The following TRIM2 variants were observed in gnomAD, a reference collection of about 807,000 sequenced individuals.
TRIM2 encodes the protein tripartite motif-containing protein 2.
Under a neutral mutation model 75.2 loss-of-function variants are expected in TRIM2, and 20 were observed. The observed-to-expected ratio is 0.27, with a 90% confidence interval of 0.19 to 0.39. The LOEUF is 0.39. Ranked by LOEUF, TRIM2 falls within the 10% of genes least tolerant of loss-of-function variation. The pLI, the probability that TRIM2 is intolerant of heterozygous loss-of-function variation, is 1.00. For missense variants in TRIM2, 660 were observed against 990.8 expected (o/e 0.67, Z 4.48); for synonymous variants, 373 against 388.3 (o/e 0.96, Z 0.46).
intron 2 of TRIM2, among the ~76,000 whole-genome samples, chr4:153,274,721 G>T (rs1485899542): frequency 6.6e-6 from 1 of 152,208 alleles, no homozygotes; most frequent in Non-Finnish European, 1.5e-5. Flanking sequence ...TGTGAGTGTG[G>T]TGTCATAAAG....
intron 1 of TRIM2, among the ~76,000 whole-genome samples, chr4:153,193,069 T>A (rs1733373260): frequency 1.3e-5 from 2 of 152,108 alleles, no homozygotes; most frequent in Non-Finnish European, 2.9e-5. Flanking sequence ...TTCACTGCTT[T>A]ATTCCTCATC....
chr4:153,287,213 C>G (rs1760844696), intron 3 of TRIM2, among the ~76,000 whole-genome samples: 1 of 152,162 alleles, frequency 6.6e-6, no homozygotes, highest in African/African-American at 2.4e-5. Flanking sequence ...CTCCTGGACT[C>G]AAGCAATCCT....
intron 1 of TRIM2, among the ~76,000 whole-genome samples, chr4:153,258,991 G>A (rs1023847966): frequency 1.8e-4 from 28 of 152,160 alleles, no homozygotes; most frequent in African/African-American, 6.8e-4. Context: ...AGCAGCTTTC[G>A]GATGCAGAGA....
intron 1 of TRIM2, among the ~76,000 whole-genome samples, chr4:153,240,682 T>G (rs1035682631): frequency 6.6e-6 from 1 of 152,366 alleles, no homozygotes; most frequent in South Asian, 2.1e-4. Context: ...TTAATTTTAT[T>G]ACTTCCAGTA....
chr4:153,247,739 G>T (rs1481770043), intron 1 of TRIM2, among the ~76,000 whole-genome samples: 4 of 148,614 alleles, frequency 2.7e-5, no homozygotes, highest in East Asian at 2.0e-4. Flanking sequence ...GCATGATTCT[G>T]CTCGCTATCA....
At chr4:153,253,008 A>G (rs13107078) in intron 1 of TRIM2, among the ~76,000 whole-genome samples, 47,578 of 152,124 alleles carry the variant, frequency 0.31, 7,729 homozygotes, top group African/African-American at 0.39. Context: ...GGGTTAGTGA[A>G]TTAAAGGTAA....
chr4:153,163,653 C>T (rs1373081419), intron 1 of TRIM2, among the ~76,000 whole-genome samples: 1 of 151,140 alleles, frequency 6.6e-6, no homozygotes, highest in East Asian at 2.0e-4. Context: ...AGGCGAGTGC[C>T]ACCATGCCTG....
At position 153,204,580 on chromosome 4, in the gene TRIM2, T is replaced by C; in HGVS notation, c.30+20T>C. 1 of 1,551,650 alleles carries C rather than the reference T, an allele frequency of 6.4e-7. No homozygotes were observed. The highest frequency in any genetic ancestry group is 8.7e-7 in the Non-Finnish European group (1 of 1,146,982). On this transcript the variant is annotated intron_variant, in intron 1 of 11. Transcript: ENST00000338700. ...ACGCAGGTAAGGACGCTTCTCAATG[T>C]GGGATAATTCTTTTTCTGGGCCAGC... is the stretch of plus-strand genomic sequence containing the variant.
At chr4:153,281,686 C>T (rs928511588) in intron 3 of TRIM2, among the ~76,000 whole-genome samples, 1 of 152,226 alleles carries the variant, frequency 6.6e-6, no homozygotes, top group Non-Finnish European at 1.5e-5. Flanking sequence ...TGGATGAAAG[C>T]CTGTCATCAA....
At chr4:153,269,513 C>T (rs1458108152) in intron 1 of TRIM2, among the ~76,000 whole-genome samples, 1 of 152,146 alleles carries the variant, frequency 6.6e-6, no homozygotes, top group African/African-American at 2.4e-5. Flanking sequence ...TCTGTCTGTT[C>T]TTTCTATATA....
At chr4:153,291,272 A>G (rs1761794113) in intron 3 of TRIM2, among the ~76,000 whole-genome samples, 1 of 152,202 alleles carries the variant, frequency 6.6e-6, no homozygotes, top group Admixed American at 6.5e-5. Context: ...GCACTATGTA[A>G]CATAGTGAGT....
At chr4:153,279,109 G>A (rs1264351462) in intron 3 of TRIM2, among the ~76,000 whole-genome samples, 1 of 152,198 alleles carries the variant, frequency 6.6e-6, no homozygotes, top group Admixed American at 6.5e-5. Flanking sequence ...TAAAGGCTGG[G>A]AAACCAATTA....
intron 1 of TRIM2, among the ~76,000 whole-genome samples, chr4:153,266,344 G>GTTTTTTT (rs768231926): frequency 8.3e-6 from 1 of 120,058 alleles, no homozygotes; most frequent in Non-Finnish European, 1.7e-5. Context: ...TAATTTTTGG[G>GTTTTTTT]TTTTTTTTTT....
intron 6 of TRIM2, chr4:153,308,775 T>G (rs1309206795): frequency 5.9e-6 from 3 of 511,550 alleles, no homozygotes; most frequent in African/African-American, 3.9e-5. Context: ...TGAAGGAAGC[T>G]GGGCTGGGCA....
intron 1 of TRIM2, among the ~76,000 whole-genome samples, chr4:153,213,607 A>G (rs1414283673): frequency 2.6e-5 from 4 of 152,168 alleles, no homozygotes; most frequent in Non-Finnish European, 4.4e-5. Context: ...GGCTCACTGC[A>G]ACCTCTGCCT....
intron 1 of TRIM2, among the ~76,000 whole-genome samples, chr4:153,183,795 T>C (rs1303929945): frequency 6.6e-6 from 1 of 152,152 alleles, no homozygotes; most frequent in Admixed American, 6.5e-5. Flanking sequence ...AAGGAAAAGC[T>C]AGACCACACT....
At chr4:153,327,058 T>A (rs1357956571) in intron 10 of TRIM2, among the ~76,000 whole-genome samples, 2 of 149,682 alleles carry the variant, frequency 1.3e-5, no homozygotes, top group African/African-American at 4.9e-5. Flanking sequence ...AAATAGAGAA[T>A]AATAAATTGT....
At chr4:153,297,148 T>C (rs1762933752) in intron 6 of TRIM2, among the ~76,000 whole-genome samples, 1 of 152,192 alleles carries the variant, frequency 6.6e-6, no homozygotes, top group Admixed American at 6.5e-5. Flanking sequence ...TGGAACGTTC[T>C]TGGGCAGAGC....
chr4:153,217,820 T>C (rs768591478), intron 1 of TRIM2, among the ~76,000 whole-genome samples: 2 of 152,198 alleles, frequency 1.3e-5, no homozygotes, highest in Non-Finnish European at 2.9e-5. Flanking sequence ...GGAACCAAGA[T>C]TGAGAAAATT....
Sources: gnomAD v4.1 joint callset for allele counts (sites outside exome capture counted in the v4.1 genomes callset) on GRCh38, gnomAD v4.1.1 for gene constraint, MANE v1.5 for transcripts, NCBI Gene and HGNC (gene_info 2026-07-23, HGNC 2026-07-21) for gene names.